HRH1: variants seen among roughly 807,000 people sequenced by gnomAD.
HRH1 encodes the protein histamine receptor H1.
Under a neutral mutation model 10.3 loss-of-function variants are expected in HRH1, and 6 were observed. That is an observed-to-expected ratio of 0.58 (90% confidence interval 0.32 to 1.15). The LOEUF (loss-of-function observed/expected upper bound fraction) is 1.15, where lower values mean the gene tolerates loss of function less well. Among genes scored for constraint, HRH1 ranks in the 50% most tolerant of loss-of-function variants. The pLI, the probability that HRH1 is intolerant of heterozygous loss-of-function variation, is 0.05. For missense variants in HRH1, 514 were observed against 615.3 expected, an observed-to-expected ratio of 0.84 and a Z score of 1.74; for synonymous variants, 242 against 236.7, an observed-to-expected ratio of 1.02 and a Z score of -0.21.
intron 1 of HRH1, among the ~76,000 whole-genome samples, chr3:11,228,661 A>G (rs1204801058): frequency 2.0e-5 from 3 of 152,126 alleles, no homozygotes; most frequent in Admixed American, 1.3e-4. Flanking sequence ...TCATGCCTGT[A>G]ATTCCAATAC....
At chr3:11,142,154 A>G (rs1936303591) in intron 1 of HRH1, among the ~76,000 whole-genome samples, 1 of 152,222 alleles carries the variant, frequency 6.6e-6, no homozygotes, top group Non-Finnish European at 1.5e-5. Flanking sequence ...CATATGCAAC[A>G]GAGGGAAAAT....
At chr3:11,158,387 A>G (rs553791503) in intron 1 of HRH1, among the ~76,000 whole-genome samples, 23 of 152,348 alleles carry the variant, frequency 1.5e-4, no homozygotes, top group Admixed American at 2.0e-4. Flanking sequence ...TCCATGTTTT[A>G]TAAGAGAAGA....
intron 1 of HRH1, among the ~76,000 whole-genome samples, chr3:11,189,320 A>G (rs1937504278): frequency 1.3e-5 from 2 of 152,226 alleles, no homozygotes; most frequent in South Asian, 4.1e-4. Flanking sequence ...GATTGAATCC[A>G]AGTATTCAAT....
At chr3:11,150,545 G>A (rs967534948), upstream of HRH1, among the ~76,000 whole-genome samples, 1 of 152,252 alleles carries the variant, frequency 6.6e-6, no homozygotes, top group African/African-American at 2.4e-5. Flanking sequence ...CCAACGTAGT[G>A]ACACTCATTT....
chr3:11,249,275 T>C (rs967534151), intron 1 of HRH1, among the ~76,000 whole-genome samples: 10 of 151,636 alleles, frequency 6.6e-5, no homozygotes, highest in Admixed American at 2.6e-4. Flanking sequence ...TGGTGGCAGG[T>C]GCCTGTAGTC....
chr3:11,142,471 C>T (rs539218726), intron 1 of HRH1, among the ~76,000 whole-genome samples: 1 of 152,286 alleles, frequency 6.6e-6, no homozygotes, highest in South Asian at 2.1e-4. Context: ...GAGTCACTCA[C>T]ATTCAAATGG....
In HRH1 at chr3:11,260,995, T is replaced by A. The variant is rs1360685926; in HGVS notation, c.*494T>A. The A allele has an allele frequency of 5.9e-6, 1 of 168,782 alleles. No individual in the cohort carries two copies. Among genetic ancestry groups the A allele is most frequent in the Non-Finnish European group, 1.4e-5 (1 of 69,308 alleles). 10.5% of individuals were successfully genotyped at this position (168,782 alleles called of 1,614,324 possible). On this transcript the variant is annotated 3_prime_UTR_variant, in exon 2 of 2. Transcript: ENST00000431010. ...CAGAGACTTTATCCATGCCAATAGT[T>A]GCTGTCCCCTTCCAGGGGTCACCTT...
At chr3:11,252,168 C>T (rs1415956609) in intron 1 of HRH1, among the ~76,000 whole-genome samples, 2 of 152,190 alleles carry the variant, frequency 1.3e-5, no homozygotes, top group African/African-American at 4.8e-5. Flanking sequence ...AGTTCTGTTT[C>T]TAGGGCATAA....
In HRH1 at chr3:11,259,564, G is replaced by A. The variant is rs749494331; in HGVS notation, c.527G>A (p.Arg176Gln). The change falls in exon 2 of 2, where the codon CGA becomes CAA. Residue 176 changes from arginine (R) to glutamine (Q), a missense_variant. By Grantham distance (43) the Arg-to-Gln change is conservative. Transcript: ENST00000431010. This position sits in a 1 kb window ranked among gnomAD's most constrained non-coding sequence, Gnocchi z 4.6. ...TTCATGCAGCAGACCTCGGTGCGCC[G>A]AGAGGACAAGTGTGAGACAGACTTC... ...NHFMQQTSVR[R>Q]EDKCETDFYD... The A allele has an allele frequency of 1.6e-5, 26 of 1,613,886 alleles. No individual in the cohort carries two copies. In the Admixed American group the frequency reaches 2.2e-4, roughly 13 times the overall value.
intron 1 of HRH1, among the ~76,000 whole-genome samples, chr3:11,172,501 C>T (rs1937170084): frequency 6.6e-6 from 1 of 152,124 alleles, no homozygotes; most frequent in Non-Finnish European, 1.5e-5. Flanking sequence ...CTCTATGGGT[C>T]ATATATGACC....
chr3:11,227,755 C>G (rs1338533227), intron 1 of HRH1, among the ~76,000 whole-genome samples: 3 of 152,168 alleles, frequency 2.0e-5, no homozygotes, highest in African/African-American at 4.8e-5. Flanking sequence ...TAGGAACTTC[C>G]TCTCTCTGAG....
upstream of HRH1, among the ~76,000 whole-genome samples, chr3:11,152,321 C>A (rs1936651581): frequency 6.6e-6 from 1 of 152,164 alleles, no homozygotes. Context: ...CTTCTGCTCC[C>A]CAACCCCTCA....
intron 1 of HRH1, among the ~76,000 whole-genome samples, chr3:11,197,886 AT>A (rs1412676144): frequency 6.6e-6 from 1 of 152,170 alleles, no homozygotes. Flanking sequence ...GTGATTGGGA[AT>A]TCCTGCTCTG....
At chr3:11,176,783 T>C (rs573157764) in intron 1 of HRH1, among the ~76,000 whole-genome samples, 81 of 152,354 alleles carry the variant, frequency 5.3e-4, no homozygotes, top group Admixed American at 5.3e-3. Context: ...AGATGCTTCA[T>C]ACTTTACTTT....
chr3:11,223,140 G>A (rs1382070738), intron 1 of HRH1, among the ~76,000 whole-genome samples: 4 of 122,016 alleles, frequency 3.3e-5, no homozygotes, highest in Non-Finnish European at 6.3e-5. Context: ...AGTCGAGATC[G>A]CACCATCACA....
intron 1 of HRH1, among the ~76,000 whole-genome samples, chr3:11,215,685 C>T (rs1278671000): frequency 6.6e-6 from 1 of 152,238 alleles, no homozygotes; most frequent in African/African-American, 2.4e-5. Flanking sequence ...TCGTGATCCG[C>T]CCGCCTCGGC....
chr3:11,144,345 A>G (rs902116210), intron 1 of HRH1, among the ~76,000 whole-genome samples: 9 of 139,892 alleles, frequency 6.4e-5, no homozygotes, highest in South Asian at 2.3e-4. Flanking sequence ...TGATATGTAT[A>G]TGTGTGTGTG....
chr3:11,192,067 T>C (rs772705109), intron 1 of HRH1, among the ~76,000 whole-genome samples: 8 of 152,202 alleles, frequency 5.3e-5, no homozygotes, highest in Non-Finnish European at 8.8e-5. Flanking sequence ...GGCCAGACAT[T>C]GTCCACTGGG....
intron 1 of HRH1, among the ~76,000 whole-genome samples, chr3:11,141,951 G>A (rs896164541): frequency 2.6e-5 from 4 of 152,208 alleles, no homozygotes; most frequent in Non-Finnish European, 5.9e-5. Flanking sequence ...ACACTGCCCT[G>A]TGTTGGCACC....
Sources: allele counts gnomAD v4.1 joint callset (sites outside exome capture counted in the v4.1 genomes callset), GRCh38; gene constraint gnomAD v4.1.1; non-coding constraint Gnocchi (gnomAD v3.1); transcripts MANE v1.5; gene names NCBI Gene and HGNC (gene_info 2026-07-23, HGNC 2026-07-21).